APBA2: variants seen among roughly 807,000 people sequenced by gnomAD.
The protein encoded by APBA2 is amyloid-beta A4 precursor protein-binding family A member 2.
A neutral mutation model predicts 75.0 loss-of-function variants in APBA2; 30 were observed. The observed-to-expected ratio is 0.40, with a 90% CI of 0.30 to 0.54. The LOEUF (loss-of-function observed/expected upper bound fraction) is 0.54. Ranked by LOEUF, APBA2 falls within the 20% of genes least tolerant of loss-of-function variation. The pLI, the probability that APBA2 is intolerant of heterozygous loss-of-function variation, is 0.49. For synonymous variants in APBA2, 444 were observed against 409.6 expected, an observed-to-expected ratio of 1.08 and a Z score of -1.01; for missense variants, 801 against 1,016.1, an observed-to-expected ratio of 0.79 and a Z score of 2.88.
chr15:29,042,531 T>G (rs905122663), intron 3 of APBA2, among the ~76,000 whole-genome samples: 1 of 152,108 alleles, frequency 6.6e-6, no homozygotes, highest in African/African-American at 2.4e-5. Flanking sequence ...GTGCTGGGAT[T>G]ACAGGAGTGA....
intron 2 of APBA2, among the ~76,000 whole-genome samples, chr15:28,957,241 T>A (rs2036219705): frequency 7.8e-6 from 1 of 128,360 alleles, no homozygotes. Context: ...CCTGGCTAAT[T>A]TTTTTAAGTA....
At chr15:28,972,053 A>G (rs1478114478) in intron 2 of APBA2, among the ~76,000 whole-genome samples, 1 of 152,222 alleles carries the variant, frequency 6.6e-6, no homozygotes, top group East Asian at 1.9e-4. Flanking sequence ...AACGGGAGAT[A>G]TGAAATGAGA....
Position 29,117,410 on chromosome 15 carries a change from G to A in APBA2, c.*277G>A. 2 of 526,800 alleles carry A rather than the reference G, an allele frequency of 3.8e-6. No homozygotes were observed. Among genetic ancestry groups the A allele is most frequent in the Non-Finnish European group, 3.4e-6 (1 of 290,774 alleles). 32.6% of individuals were successfully genotyped at this position (526,800 alleles called of 1,614,324 possible). A position where few individuals can be genotyped will look rare whatever the true frequency, so the allele number is the denominator to read the frequency against. On this transcript the variant is annotated 3_prime_UTR_variant, in exon 15 of 15. Transcript: ENST00000683413. ...CTGTCTTCTCCCTGCACAAGCCAGGGTGTGTCTCGGTAGCTGTGCGTGGTG... is the reference window on the plus strand; with the variant it reads ...CTGTCTTCTCCCTGCACAAGCCAGGATGTGTCTCGGTAGCTGTGCGTGGTG...
intron 1 of APBA2, among the ~76,000 whole-genome samples, chr15:28,914,871 C>T (rs1450761180): frequency 2.0e-5 from 3 of 151,852 alleles, no homozygotes; most frequent in East Asian, 3.9e-4. Flanking sequence ...CTGTGTGTCC[C>T]GGGCTGCCGG....
chr15:29,082,853 G>C (rs540825261), intron 6 of APBA2, among the ~76,000 whole-genome samples: 1 of 152,210 alleles, frequency 6.6e-6, no homozygotes, highest in African/African-American at 2.4e-5. Flanking sequence ...CTGAGGTCAG[G>C]AGTTCAAGAC....
rs573947468 is a variant in APBA2, at chr15:29,070,390, C to G, written c.952-4531C>G. ...TTCCTCCTCCCATTCACAGGCCTGC[C>G]TAGAGATTTGTAAGTACAGACTGAC... On this transcript the variant is annotated intron_variant, in intron 4 of 14. Coordinates refer to ENST00000683413, the MANE Select transcript of APBA2 (RefSeq NM_001353788.2). Among the ~76,000 whole-genome samples the G allele has an allele frequency of 7.9e-5, 12 of 152,344 alleles. No homozygotes were observed. In the South Asian group the frequency reaches 2.3e-3, roughly 29 times the overall value.
At chr15:29,093,292 G>C in intron 7 of APBA2, 72 bp downstream of exon 7, 2 of 1,579,886 alleles carry the variant, frequency 1.3e-6, no homozygotes, top group Non-Finnish European at 1.7e-6. Flanking sequence ...GGAATATGGC[G>C]GGGCGTAGGC....
chr15:28,985,984 G>A (rs2037905029), intron 2 of APBA2, among the ~76,000 whole-genome samples: 2 of 152,166 alleles, frequency 1.3e-5, no homozygotes, highest in South Asian at 4.1e-4. Flanking sequence ...AGATCCTCCT[G>A]GGGGATGTGG....
rs976057045 is a variant in APBA2 at position 28,918,208 on chromosome 15, G to T, written c.-204-3432G>T. 6.6e-6 allele frequency among the ~76,000 whole-genome samples: 1 copy of T among 152,234 alleles called. No individual in the cohort carries two copies. Among genetic ancestry groups the T allele is most frequent in the African/African-American group, 2.4e-5 (1 of 41,472 alleles). ...TCCGTGGGTGAGGGAAAAGGCACAG[G>T]GAGGTGCAGAAGCGTTCCTGGCGCC... is the stretch of plus-strand genomic sequence containing the variant. On this transcript the variant is annotated intron_variant, in intron 1 of 14. Transcript: ENST00000683413. The surrounding 1 kb of genome is among the most constrained non-coding windows in gnomAD (Gnocchi z 4.2).
intron 6 of APBA2, among the ~76,000 whole-genome samples, chr15:29,087,949 G>A (rs1004972226): frequency 1.3e-5 from 2 of 152,126 alleles, no homozygotes; most frequent in African/African-American, 4.8e-5. Context: ...TTTTGACCAC[G>A]TCTGTCCCAC....
chr15:28,888,209 A>G (rs2031884830), intron 1 of APBA2, among the ~76,000 whole-genome samples: 2 of 152,240 alleles, frequency 1.3e-5, no homozygotes, highest in South Asian at 2.1e-4. Flanking sequence ...ATGGAGGTGC[A>G]TAAATACCTA....
At chr15:28,926,143 T>C (rs967266234) in intron 2 of APBA2, among the ~76,000 whole-genome samples, 1 of 152,190 alleles carries the variant, frequency 6.6e-6, no homozygotes, top group African/African-American at 2.4e-5. Flanking sequence ...AATCTCTGTT[T>C]CAATGGGTGT....
chr15:28,970,289 C>T lies in APBA2; in HGVS notation c.-94-25464C>T, dbSNP rs375629247. On this transcript the variant is annotated intron_variant, in intron 2 of 14. Coordinates refer to ENST00000683413, the MANE Select transcript of APBA2 (RefSeq NM_001353788.2). ...CTTATGTTAATATACATTTATACAA[C>T]GTATATATTATACATTATATAGCAT... 7.9e-5 allele frequency: 12 copies of T among 151,330 alleles called. No individual in the cohort carries two copies. In the East Asian group the frequency reaches 1.4e-3, roughly 17 times the overall value. The allele number at this position is 151,330 out of a possible 1,614,324, so 9.4% of individuals were successfully genotyped here. A position where few individuals can be genotyped will look rare whatever the true frequency, so the allele number is the denominator to read the frequency against.
chr15:29,054,244 G>C lies in APBA2; in HGVS notation c.360G>C (p.Glu120Asp). The stretch of plus-strand genomic sequence containing the variant: ...AGGGCATGGACTGCAACGGGGAGGA[G>C]TACCTGGCCCACAGTGCACACCCTG... Reference protein sequence around the residue: ...YLEGMDCNGEEYLAHSAHPVD... With the variant: ...YLEGMDCNGEDYLAHSAHPVD... Residue 120 changes from glutamate (E) to aspartate (D), a missense_variant, in exon 4 of 15, where the codon GAG becomes GAC. Physicochemically the swap from Glu to Asp is conservative, Grantham distance 45 (BLOSUM62 2). This residue lies in a region of APBA2 where 434 missense variants were observed against 471.6 expected (regional missense o/e 0.92). Transcript: ENST00000683413. This position sits in a 1 kb window ranked among gnomAD's most constrained non-coding sequence, Gnocchi z 6.1. 6.2e-7 allele frequency: 1 copy of C among 1,614,146 alleles called. No individual in the cohort carries two copies. Among genetic ancestry groups the C allele is most frequent in the East Asian group, 2.2e-5 (1 of 44,844 alleles).
intron 9 of APBA2, among the ~76,000 whole-genome samples, chr15:29,098,992 C>T (rs2043988977): frequency 6.6e-6 from 1 of 152,178 alleles, no homozygotes; most frequent in Non-Finnish European, 1.5e-5. Flanking sequence ...CCTTCCTCAT[C>T]CCATGTCTGT....
In APBA2 at chr15:29,031,531, G is replaced by A. The variant is rs372937067; in HGVS notation, c.-40-22314G>A. Among the ~76,000 whole-genome samples, 93 of 152,112 alleles carry A rather than the reference G, an allele frequency of 6.1e-4. 1 individual carries two copies. The South Asian group carries it at 0.018, about 30-fold the overall frequency. On this transcript the variant is annotated intron_variant, in intron 3 of 14. Transcript: ENST00000683413. ...GTTGCCCAGGCTGGAGTGCAGTGGC[G>A]CAATCTTGGCCCACTGCAACCTCTG...
chr15:28,930,313 C>G (rs1411557746), intron 2 of APBA2, among the ~76,000 whole-genome samples: 1 of 152,126 alleles, frequency 6.6e-6, no homozygotes, highest in African/African-American at 2.4e-5. Flanking sequence ...ACGATGGGAG[C>G]AGGATAGACA....
At chr15:28,899,472 T>C (rs1048815689) in intron 1 of APBA2, among the ~76,000 whole-genome samples, 4 of 152,228 alleles carry the variant, frequency 2.6e-5, no homozygotes, top group Non-Finnish European at 4.4e-5. Context: ...TGGGCCACAG[T>C]GTGCTTGAGT....
At chr15:29,025,868 T>C (rs1485422556) in intron 3 of APBA2, among the ~76,000 whole-genome samples, 2 of 151,806 alleles carry the variant, frequency 1.3e-5, no homozygotes, top group African/African-American at 4.8e-5. Flanking sequence ...GGAGAATTGC[T>C]TGAACCCGGG....
Sources: gnomAD v4.1 joint callset for allele counts (sites outside exome capture counted in the v4.1 genomes callset) on GRCh38, gnomAD v4.1.1 for gene constraint, gnomAD v4.1.1 regional missense constraint, Gnocchi (gnomAD v3.1) non-coding constraint, MANE v1.5 for transcripts, NCBI Gene and HGNC (gene_info 2026-07-23, HGNC 2026-07-21) for gene names.